FRMD4A: variants seen among roughly 807,000 people sequenced by gnomAD.
FRMD4A encodes FERM domain containing 4A.
A neutral mutation model predicts 129.1 loss-of-function variants in FRMD4A; 29 were observed. The ratio of observed to expected loss-of-function variants is 0.22; its 90% CI spans 0.17 to 0.31. The LOEUF (loss-of-function observed/expected upper bound fraction) is 0.31, where lower values mean the gene tolerates loss of function less well. FRMD4A is among the 10% of genes least tolerant of loss of function. The pLI is 1.00. For missense variants in FRMD4A, 1,272 were observed against 1,375.8 expected, an observed-to-expected ratio of 0.92 and a Z score of 1.19; for synonymous variants, 634 against 571.6, an observed-to-expected ratio of 1.11 and a Z score of -1.56.
intron 2 of FRMD4A, among the ~76,000 whole-genome samples, chr10:14,237,637 A>G (rs1843875794): frequency 6.6e-6 from 1 of 152,144 alleles, no homozygotes; most frequent in South Asian, 2.1e-4. Context: ...GGCTGCATCA[A>G]TTTCTCTGCT....
At chr10:13,956,080 A>G (rs1412108725) in intron 2 of FRMD4A, among the ~76,000 whole-genome samples, 2 of 152,242 alleles carry the variant, frequency 1.3e-5, no homozygotes, top group East Asian at 1.9e-4. Context: ...ATAATGAAAT[A>G]CTACCATTTA....
chr10:13,977,892 C>T (rs756045694), intron 2 of FRMD4A, among the ~76,000 whole-genome samples: 6 of 152,206 alleles, frequency 3.9e-5, no homozygotes, highest in Non-Finnish European at 8.8e-5. Context: ...ATCCATGCAT[C>T]AGTTGATGGA....
intron 3 of FRMD4A, among the ~76,000 whole-genome samples, chr10:13,835,247 C>G (rs551742750): frequency 6.6e-6 from 1 of 152,348 alleles, no homozygotes; most frequent in East Asian, 1.9e-4. Context: ...GTTTCCTCAA[C>G]AGTAGCATGG....
At chr10:14,223,456 T>C (rs1437292645) in intron 2 of FRMD4A, among the ~76,000 whole-genome samples, 1 of 152,098 alleles carries the variant, frequency 6.6e-6, no homozygotes, top group Non-Finnish European at 1.5e-5. Context: ...AAGAGCCAAA[T>C]AGGGGCTGGG....
intron 2 of FRMD4A, among the ~76,000 whole-genome samples, chr10:13,946,975 G>C (rs1227643927): frequency 6.6e-6 from 1 of 152,138 alleles, no homozygotes; most frequent in South Asian, 2.1e-4. Context: ...GGGGAAGCTT[G>C]GGAGGCTTCA....
chr10:14,247,147 G>A (rs991448696), intron 2 of FRMD4A, among the ~76,000 whole-genome samples: 2 of 152,200 alleles, frequency 1.3e-5, no homozygotes, highest in South Asian at 2.1e-4. Flanking sequence ...CAAACTTGCC[G>A]ATCCCCGCTG....
In FRMD4A at chr10:14,301,933, G is replaced by A. The variant is rs764676945; in HGVS notation, c.45+28125C>T. On this transcript the variant is annotated intron_variant, in intron 2 of 24. Coordinates refer to ENST00000357447, the MANE Select transcript of FRMD4A (RefSeq NM_018027.5). The stretch of plus-strand genomic sequence containing the variant: ...AATTCAGTGAGCAGGAGAGTTGAGC[G>A]GTCCAGGGACACCAGATAGGAAGGG... 2.6e-5 allele frequency among the ~76,000 whole-genome samples: 4 copies of A among 152,086 alleles called. No individual in the cohort carries two copies. The East Asian group carries it at 7.7e-4, about 29-fold the overall frequency.
intron 5 of FRMD4A, among the ~76,000 whole-genome samples, chr10:13,793,687 C>T (rs113893038): frequency 2.5e-3 from 386 of 152,234 alleles, no homozygotes; most frequent in Non-Finnish European, 3.9e-3. Context: ...GGAAAGGTAC[C>T]CAGCTGGACA....
intron 2 of FRMD4A, among the ~76,000 whole-genome samples, chr10:14,039,519 T>C (rs1325553266): frequency 6.9e-6 from 1 of 145,436 alleles, no homozygotes; most frequent in Non-Finnish European, 1.5e-5. Context: ...TCTATCTATC[T>C]ATCATCTTGG....
chr10:14,239,622 G>A (rs955938842), intron 2 of FRMD4A, among the ~76,000 whole-genome samples: 6 of 150,358 alleles, frequency 4.0e-5, no homozygotes, highest in South Asian at 2.1e-4. Flanking sequence ...GCGAGACTCC[G>A]TCTCAAGAAA....
rs58370207 is a variant in FRMD4A, at chr10:13,908,164, T to TAAAAA, written c.46-49257_46-49253dup. On this transcript the variant is annotated intron_variant, in intron 2 of 24. Transcript: ENST00000357447. ...TGGACAAGAAGACGGAAACTCCATC[T>TAAAAA]AAAAAAAAAAAAAAAAAAAAAAAAA... 2.9e-4 allele frequency among the ~76,000 whole-genome samples: 12 copies of TAAAAA among 41,116 alleles called. 1 individual carries two copies. Among genetic ancestry groups the TAAAAA allele is most frequent in the Non-Finnish European group, 3.8e-4 (9 of 23,538 alleles). 27.0% of individuals were successfully genotyped at this position (41,116 alleles called of 152,430 possible).
intron 2 of FRMD4A, among the ~76,000 whole-genome samples, chr10:14,173,495 C>T (rs4750479): frequency 0.89 from 135,985 of 152,122 alleles, 61,629 homozygotes; most frequent in East Asian, 1. Context: ...CGAGAACACA[C>T]TGGCCTCCAG....
chr10:14,304,917 G>C (rs1159987921), intron 2 of FRMD4A, among the ~76,000 whole-genome samples: 1 of 152,140 alleles, frequency 6.6e-6, no homozygotes, highest in East Asian at 1.9e-4. Context: ...TTCCCACAGT[G>C]GTCTGAATGT....
At chr10:14,310,318 GCAA>G (rs1035569446) in intron 2 of FRMD4A, among the ~76,000 whole-genome samples, 3 of 152,174 alleles carry the variant, frequency 2.0e-5, no homozygotes, top group Non-Finnish European at 4.4e-5. Context: ...CTCCCCTCAG[GCAA>G]CTAATGATAC....
intron 2 of FRMD4A, among the ~76,000 whole-genome samples, chr10:13,963,269 CTTTTTTTTT>C (rs142764391): frequency 2.6e-5 from 3 of 116,794 alleles, no homozygotes; most frequent in African/African-American, 9.7e-5. Flanking sequence ...GTGCAAGCCT[CTTTTTTTTT>C]TTTTTTTTTT....
chr10:13,689,202 G>GGGGTGGGGGGGGGGT (rs2085408117), intron 15 of FRMD4A, among the ~76,000 whole-genome samples: 1 of 33,358 alleles, frequency 3.0e-5, no homozygotes, highest in Non-Finnish European at 5.8e-5. Flanking sequence ...TCTTTGCGGG[G>GGGGTGGGGGGGGGGT]GGGGGGGGGG....
At chr10:13,864,517 C>T (rs922062619) in intron 2 of FRMD4A, among the ~76,000 whole-genome samples, 4 of 151,474 alleles carry the variant, frequency 2.6e-5, no homozygotes, top group African/African-American at 9.7e-5. Context: ...TTGTTGATGT[C>T]CTCTGTCTCC....
chr10:13,832,109 G>T (rs1429602154), intron 3 of FRMD4A, among the ~76,000 whole-genome samples: 1 of 152,136 alleles, frequency 6.6e-6, no homozygotes, highest in Non-Finnish European at 1.5e-5. Context: ...AATTACACCA[G>T]CAGAACCAAT....
chr10:13,865,554 G>A (rs548490839), intron 2 of FRMD4A, among the ~76,000 whole-genome samples: 16 of 151,512 alleles, frequency 1.1e-4, no homozygotes, highest in South Asian at 4.2e-4. Context: ...AGGCTCAAGC[G>A]ATCCTCCCAC....
Sources: allele counts gnomAD v4.1 joint callset (sites outside exome capture counted in the v4.1 genomes callset), GRCh38; gene constraint gnomAD v4.1.1; transcripts MANE v1.5; gene names NCBI Gene and HGNC (gene_info 2026-07-23, HGNC 2026-07-21).